The following DPH6 variants were observed in gnomAD, a reference collection of about 807,000 sequenced individuals.
DPH6 encodes diphthamine biosynthesis 6.
DPH6 carries 33 observed loss-of-function variants against 38.2 expected under a neutral mutation model. That is an observed-to-expected ratio of 0.86 (90% CI 0.65 to 1.15). The LOEUF is 1.15. DPH6 is among the 50% of genes most tolerant of loss of function. The probability of loss-of-function intolerance (pLI) is 0.00; values close to 1 mark genes in which losing one functional copy is unlikely to be tolerated. For synonymous variants in DPH6, 108 were observed against 103.0 expected (o/e 1.05, Z -0.30); for missense variants, 325 against 320.0 (o/e 1.02, Z -0.12).
At chr15:35,399,288 C>G (rs1595531058) in intron 6 of DPH6, among the ~76,000 whole-genome samples, 1 of 151,914 alleles carries the variant, frequency 6.6e-6, no homozygotes, top group African/African-American at 2.4e-5. Flanking sequence ...AAAAAATAAG[C>G]TTTTAAACAT....
At chr15:35,233,340 C>T (rs1294166406) in intron 3 of DPH6, among the ~76,000 whole-genome samples, 1 of 152,080 alleles carries the variant, frequency 6.6e-6, no homozygotes, top group Non-Finnish European at 1.5e-5. Context: ...AGGGGTACTA[C>T]ATGTACAGAC....
chr15:35,304,943 C>G (rs972640072), intron 3 of DPH6, among the ~76,000 whole-genome samples: 2 of 151,994 alleles, frequency 1.3e-5, no homozygotes, highest in Admixed American at 6.6e-5. Context: ...CTGTTCTGCC[C>G]TAGAATTGAA....
At chr15:35,438,254 C>A (rs1595563323) in intron 5 of DPH6, among the ~76,000 whole-genome samples, 2 of 138,598 alleles carry the variant, frequency 1.4e-5, no homozygotes, top group East Asian at 4.4e-4. Flanking sequence ...GCCCTAAGAT[C>A]ATTTCTTTTC....
chr15:35,281,334 T>A (rs1418555503), intron 3 of DPH6, among the ~76,000 whole-genome samples: 1 of 152,156 alleles, frequency 6.6e-6, no homozygotes, highest in Non-Finnish European at 1.5e-5. Flanking sequence ...TTATGGTATA[T>A]CACCCAAATA....
rs181447243 is a variant in DPH6 at position 35,270,585 on chromosome 15, G to A, written n.201-50003C>T. Among the ~76,000 whole-genome samples, 16 of 152,274 alleles carry A rather than the reference G, an allele frequency of 1.1e-4. No homozygotes were observed. The East Asian group carries it at 3.1e-3, about 29-fold the overall frequency. Reference sequence around the variant, plus strand: ...GTTTTTGGACTTGGTTAATGCATTTGGTCCACAATAGTGGAGGCTGTGTCT... The same window carrying A: ...GTTTTTGGACTTGGTTAATGCATTTAGTCCACAATAGTGGAGGCTGTGTCT... On this transcript the variant is annotated intron_variant and non_coding_transcript_variant, in intron 3 of 3. Transcript: ENST00000560386.
chr15:35,417,663 A>C (rs931373564), intron 5 of DPH6, among the ~76,000 whole-genome samples: 3 of 152,100 alleles, frequency 2.0e-5, no homozygotes, highest in Non-Finnish European at 4.4e-5. Flanking sequence ...TTGCACTGAA[A>C]TAATTCTATC....
the DPH6 span, among the ~76,000 whole-genome samples, chr15:35,182,571 A>C: frequency 6.6e-6 from 1 of 152,160 alleles, no homozygotes; most frequent in African/African-American, 2.4e-5. Context: ...TGCCTTTGCA[A>C]ATTTTCATTA....
chr15:35,485,198 A>G (rs1240027431), intron 3 of DPH6, among the ~76,000 whole-genome samples: 1 of 152,212 alleles, frequency 6.6e-6, no homozygotes, highest in Non-Finnish European at 1.5e-5. Flanking sequence ...TAAATAGCAG[A>G]GCCAAAAAGT....
At chr15:35,397,868 T>TAC (rs57530358) in intron 6 of DPH6, among the ~76,000 whole-genome samples, 298 of 87,264 alleles carry the variant, frequency 3.4e-3, no homozygotes, top group African/African-American at 4.8e-3. Flanking sequence ...TTTATATATA[T>TAC]ACACACACAC....
chr15:35,492,388 A>G (rs746879899), intron 3 of DPH6, among the ~76,000 whole-genome samples: 2 of 152,202 alleles, frequency 1.3e-5, no homozygotes, highest in Non-Finnish European at 2.9e-5. Context: ...TTTACCTGTT[A>G]TGTGATTCAT....
At chr15:35,281,192 C>T (rs1197054056) in intron 3 of DPH6, among the ~76,000 whole-genome samples, 1 of 151,990 alleles carries the variant, frequency 6.6e-6, no homozygotes, top group Non-Finnish European at 1.5e-5. Flanking sequence ...AGTGAACTGT[C>T]CTGTAAAAAT....
chr15:35,366,012 T>C (rs965231256), downstream of DPH6: 19 of 985,108 alleles, frequency 1.9e-5, no homozygotes, highest in African/African-American at 3.0e-4. Flanking sequence ...AGGAAAGTTG[T>C]GCTGAACCAA....
At chr15:35,366,228 T>TTGTGTGTGTGTGTGTGTG (rs10525441), downstream of DPH6, among the ~76,000 whole-genome samples, 5 of 144,378 alleles carry the variant, frequency 3.5e-5, no homozygotes, top group African/African-American at 1.0e-4. Flanking sequence ...TTTAGTCATC[T>TTGTGTGTGTGTGTGTGTG]TGTGTGTGTG....
Position 35,542,441 on chromosome 15 carries a change from T to C in DPH6, c.90A>G (p.Leu30=). Residue 30 remains leucine (L), a synonymous_variant, in exon 2 of 9, where the codon TTA becomes TTG. Transcript: ENST00000256538. ...CIAAGHQIVA[L]ANLRPAENQV... is the part of the protein sequence containing the mutation. ...GGTTTTCAGCTGGTCTTAGATTTGC[T>C]AAAGCAACGATCTGATGCCCAGCAG... The C allele has an allele frequency of 6.3e-7, 1 of 1,576,846 alleles. No individual in the cohort carries two copies. The highest frequency in any genetic ancestry group is 8.7e-7 in the Non-Finnish European group (1 of 1,151,026).
the DPH6 span, among the ~76,000 whole-genome samples, chr15:35,171,929 G>A: frequency 7.2e-5 from 11 of 151,938 alleles, 1 homozygote; most frequent in East Asian, 7.7e-4. Context: ...GTGCAATGGC[G>A]CAGTCTTGGC....
the DPH6 span, among the ~76,000 whole-genome samples, chr15:35,149,843 C>T: frequency 1.3e-5 from 2 of 152,234 alleles, no homozygotes; most frequent in Non-Finnish European, 2.9e-5. Context: ...CAATTAGATT[C>T]AACTGTTCAC....
chr15:35,373,390 A>G (rs1275275217), intron 8 of DPH6, 131 bp downstream of exon 8: 18 of 728,742 alleles, frequency 2.5e-5, no homozygotes, highest in Non-Finnish European at 3.2e-5. Flanking sequence ...TGAGGAGCTG[A>G]AAAAAAACCA....
chr15:35,369,400 T>C (rs916504506), downstream of DPH6, among the ~76,000 whole-genome samples: 1 of 151,812 alleles, frequency 6.6e-6, no homozygotes, highest in Non-Finnish European at 1.5e-5. Context: ...TGATAAAATA[T>C]GTAGAAGAGT....
intron 3 of DPH6, among the ~76,000 whole-genome samples, chr15:35,337,361 C>T (rs947461626): frequency 4.0e-5 from 6 of 151,402 alleles, no homozygotes; most frequent in South Asian, 2.1e-4. Flanking sequence ...GTCTTGCTAG[C>T]GGTCTATCAT....
Sources: allele counts gnomAD v4.1 joint callset (sites outside exome capture counted in the v4.1 genomes callset), GRCh38; gene constraint gnomAD v4.1.1; transcripts MANE v1.5; gene names NCBI Gene and HGNC (gene_info 2026-07-23, HGNC 2026-07-21).